Variants in SEC14L1 observed in about 807,000 individuals in gnomAD.
The protein encoded by SEC14L1 is SEC14 like lipid binding 1.
Under a neutral mutation model 85.3 loss-of-function variants are expected in SEC14L1, and 48 were observed. The ratio of observed to expected loss-of-function variants is 0.56; its 90% CI spans 0.45 to 0.72. SEC14L1 has a LOEUF of 0.72. Among genes scored for constraint, SEC14L1 ranks in the 30% least tolerant of loss-of-function variants. SEC14L1 has a pLI of 0.00. For synonymous variants in SEC14L1, 391 were observed against 355.5 expected (o/e 1.10, Z -1.12); for missense variants, 682 against 921.4 (o/e 0.74, Z 3.36).
At chr17:77,103,168 A>G (rs1971818056) in intron 3 of SEC14L1, among the ~76,000 whole-genome samples, 1 of 151,752 alleles carries the variant, frequency 6.6e-6, no homozygotes, top group South Asian at 2.1e-4. Context: ...TCTGGAGTGC[A>G]GTGGCACGAT....
intron 3 of SEC14L1, among the ~76,000 whole-genome samples, chr17:77,100,449 T>C (rs1244821618): frequency 2.9e-5 from 4 of 138,344 alleles, no homozygotes; most frequent in Admixed American, 2.2e-4. Flanking sequence ...TTTTTTTTTT[T>C]TTTTTGAGAC....
intron 3 of SEC14L1, among the ~76,000 whole-genome samples, chr17:77,102,871 G>A (rs1287647276): frequency 6.6e-6 from 1 of 152,110 alleles, no homozygotes; most frequent in Non-Finnish European, 1.5e-5. Flanking sequence ...GTGTGATCAT[G>A]GCTTGCTGTG....
At chr17:77,171,013 G>A (rs1974501151) in intron 3 of SEC14L1, among the ~76,000 whole-genome samples, 1 of 152,168 alleles carries the variant, frequency 6.6e-6, no homozygotes. Context: ...AGTTAACATG[G>A]CCTACTGGGG....
At position 77,200,646 on chromosome 17, in the gene SEC14L1, G is replaced by A. The variant is rs147283848; in HGVS notation, c.982G>A (p.Ala328Thr). 2.4e-5 allele frequency: 39 copies of A among 1,613,392 alleles called. No homozygotes were observed. In the African/African-American group the frequency reaches 3.2e-4, roughly 13 times the overall value. ...TCCTCAGGTCCTTCAGGATTACTAC[G>A]CGGGAGGCTGGCATCATCACGACAA... ...TPPQVLQDYYAGGWHHHDKDG... is the reference protein window; with the variant it reads ...TPPQVLQDYYTGGWHHHDKDG... The change falls in exon 9 of 17, where the codon GCG becomes ACG. Residue 328 changes from alanine to threonine, a missense_variant. Physicochemically the swap from Ala to Thr is moderately conservative, Grantham distance 58. Coordinates refer to ENST00000436233, the MANE Select transcript of SEC14L1 (RefSeq NM_001143998.2).
chr17:77,176,368 T>C (rs1974758565), intron 3 of SEC14L1, among the ~76,000 whole-genome samples: 1 of 152,126 alleles, frequency 6.6e-6, no homozygotes, highest in African/African-American at 2.4e-5. Context: ...CAGAGGAAAC[T>C]GTGCCAAATG....
intron 3 of SEC14L1, among the ~76,000 whole-genome samples, chr17:77,154,318 A>G (rs1187212244): frequency 6.6e-6 from 1 of 152,028 alleles, no homozygotes. Context: ...GATAAACTGA[A>G]AAAAAATTAG....
chr17:77,095,748 C>T (rs1732304651), intron 3 of SEC14L1, among the ~76,000 whole-genome samples: 1 of 151,886 alleles, frequency 6.6e-6, no homozygotes, highest in Non-Finnish European at 1.5e-5. Context: ...ACCCAGGAGA[C>T]AGAGGTTTCG....
At chr17:77,153,474 A>C (rs544152289) in intron 3 of SEC14L1, among the ~76,000 whole-genome samples, 2 of 152,358 alleles carry the variant, frequency 1.3e-5, no homozygotes, top group East Asian at 3.9e-4. Flanking sequence ...GTTGCAAATA[A>C]GATGCAAAAT....
chr17:77,207,110 G>A (rs529980179), intron 13 of SEC14L1, among the ~76,000 whole-genome samples: 1 of 152,318 alleles, frequency 6.6e-6, no homozygotes, highest in South Asian at 2.1e-4. Context: ...TACGATTGCA[G>A]CTTGCTTTGA....
At chr17:77,141,306 C>T (rs1973021952) in intron 1 of SEC14L1, 199 bp downstream of exon 1, 1 of 136,798 alleles carries the variant, frequency 7.3e-6, no homozygotes, top group Non-Finnish European at 1.6e-5. Context: ...CTCCGCCCCC[C>T]TGCTCGCCCC....
chr17:77,172,002 G>A (rs1974542236), intron 3 of SEC14L1, among the ~76,000 whole-genome samples: 1 of 152,092 alleles, frequency 6.6e-6, no homozygotes, highest in Non-Finnish European at 1.5e-5. Flanking sequence ...CTGCCTCCGG[G>A]ATTAACAGAA....
intron 3 of SEC14L1, among the ~76,000 whole-genome samples, chr17:77,126,051 T>C (rs1972438252): frequency 6.6e-6 from 1 of 152,158 alleles, no homozygotes; most frequent in African/African-American, 2.4e-5. Context: ...CTTGGAAGGC[T>C]GAGGCAGGAG....
chr17:77,199,908 C>G (rs1976038400), intron 8 of SEC14L1, among the ~76,000 whole-genome samples: 1 of 152,164 alleles, frequency 6.6e-6, no homozygotes, highest in South Asian at 2.1e-4. Context: ...GTGGCTCATG[C>G]CTATAATCCC....
chr17:77,201,490 C>G (rs2143118052), intron 9 of SEC14L1, among the ~76,000 whole-genome samples: 1 of 150,646 alleles, frequency 6.6e-6, no homozygotes, highest in East Asian at 2.0e-4. Flanking sequence ...TCGCTCTGTC[C>G]CCAAGGCTGG....
At chr17:77,190,541 A>C (rs1975475627) in intron 3 of SEC14L1, among the ~76,000 whole-genome samples, 1 of 152,204 alleles carries the variant, frequency 6.6e-6, no homozygotes, top group Non-Finnish European at 1.5e-5. Flanking sequence ...CTTGTCTATA[A>C]TTACCACAAA....
At chr17:77,123,251 A>T (rs1019328563) in intron 3 of SEC14L1, among the ~76,000 whole-genome samples, 1 of 151,154 alleles carries the variant, frequency 6.6e-6, no homozygotes, top group East Asian at 2.0e-4. Context: ...GGGATTCACC[A>T]TGTTGGCCAG....
intron 8 of SEC14L1, 130 bp from the exon 9 acceptor site, chr17:77,200,353 GA>G (rs1976068256): frequency 1.5e-6 from 1 of 647,608 alleles, no homozygotes. Context: ...ATTTTTAGTA[GA>G]GATGGCATTT....
At chr17:77,189,357 G>A (rs989449786) in intron 3 of SEC14L1, among the ~76,000 whole-genome samples, 3 of 152,152 alleles carry the variant, frequency 2.0e-5, no homozygotes, top group African/African-American at 4.8e-5. Context: ...GGGATTTGCT[G>A]TTCTCTTTCT....
chr17:77,089,534 C>T, intron 2 of SEC14L1: 1 of 476,778 alleles, frequency 2.1e-6, no homozygotes, highest in South Asian at 1.5e-5. Flanking sequence ...TATCAGAGAG[C>T]CCTTGCTTTT....
Sources: gnomAD v4.1 joint callset for allele counts (sites outside exome capture counted in the v4.1 genomes callset) on GRCh38, gnomAD v4.1.1 for gene constraint, MANE v1.5 for transcripts, NCBI Gene and HGNC (gene_info 2026-07-23, HGNC 2026-07-21) for gene names.